Variants in UTRN observed in about 807,000 individuals in gnomAD.
UTRN encodes dystrophin-related protein 1.
Under a neutral mutation model 463.9 loss-of-function variants are expected in UTRN, and 283 were observed. The ratio of observed to expected loss-of-function variants is 0.61; its 90% confidence interval spans 0.55 to 0.67. The LOEUF is 0.67. Ranked by LOEUF, UTRN falls within the 30% of genes least tolerant of loss-of-function variation. The probability of loss-of-function intolerance (pLI) is 0.00; values close to 1 mark genes in which losing one functional copy is unlikely to be tolerated. For synonymous variants in UTRN, 1,442 were observed against 1,431.5 expected, an observed-to-expected ratio of 1.01 and a Z score of -0.17; for missense variants, 3,922 against 4,084.3, an observed-to-expected ratio of 0.96 and a Z score of 1.08.
intron 57 of UTRN, among the ~76,000 whole-genome samples, chr6:144,755,289 C>T (rs926082658): frequency 1.3e-5 from 2 of 152,008 alleles, no homozygotes; most frequent in African/African-American, 4.8e-5. Flanking sequence ...TTCTGCTATT[C>T]GAGTATTGCG....
Position 144,489,231 on chromosome 6 carries a change from A to G in UTRN, c.4134+397A>G, listed in dbSNP as rs573930358. 4.7e-3 allele frequency among the ~76,000 whole-genome samples: 720 copies of G among 152,158 alleles called. 6 individuals are homozygous for G. Among genetic ancestry groups the G allele is most frequent in the Middle Eastern group, 0.01 (3 of 292 alleles). ...CGCCCGGCTAATTTTTTGTAGTTTT[A>G]GTAGAGACGGGGTTTCGCCATGTTG... On this transcript the variant is annotated intron_variant, in intron 30 of 74. Transcript: ENST00000367545.
intron 2 of UTRN, among the ~76,000 whole-genome samples, chr6:144,301,163 G>T (rs2473145): frequency 0.33 from 50,655 of 151,752 alleles, 13,681 homozygotes; most frequent in African/African-American, 0.75. Flanking sequence ...AATATAAAAA[G>T]GTTTACTTTT....
rs748330298 is a variant in UTRN, at chr6:144,403,152, TTTACCAAATGGATAAATGC to T, written c.111_129del (p.Thr38AspfsTer27). 1 of 1,613,664 alleles carries T rather than the reference TTTACCAAATGGATAAATGC, an allele frequency of 6.2e-7. No homozygotes were observed. Reference sequence around the variant, plus strand: ...ACACAATGACGTACAGAAGAAAACCTTTACCAAATGGATAAATGCTCGATTTTCAAAGGTAACTGAGACT... The same window carrying T: ...ACACAATGACGTACAGAAGAAAACCTTCGATTTTCAAAGGTAACTGAGACT... On this transcript the variant is annotated frameshift_variant, in exon 3 of 75. Transcript: ENST00000367545. LOFTEE classifies it high-confidence loss of function.
In UTRN at chr6:144,439,768, G is replaced by T. The variant is rs550471454; in HGVS notation, c.1393-584G>T. Reference sequence around the variant, plus strand: ...TCCGCCTGCCTTGGGTTCCCAAAGTGCTGGGATTACAGGTGTGAGCCACCA... The same window carrying T: ...TCCGCCTGCCTTGGGTTCCCAAAGTTCTGGGATTACAGGTGTGAGCCACCA... On this transcript the variant is annotated intron_variant, in intron 12 of 74. Transcript: ENST00000367545. Among the ~76,000 whole-genome samples, 24 of 152,308 alleles carry T rather than the reference G, an allele frequency of 1.6e-4. No homozygotes were observed. The South Asian group carries it at 5.0e-3, about 32-fold the overall frequency.
chr6:144,651,620 G>A (rs976465027), intron 51 of UTRN, among the ~76,000 whole-genome samples: 1 of 152,070 alleles, frequency 6.6e-6, no homozygotes, highest in Non-Finnish European at 1.5e-5. Flanking sequence ...AACATTTTCT[G>A]TATTGCTTTT....
chr6:144,440,416 T>A lies in UTRN; in HGVS notation c.1457T>A (p.Ile486Asn). ...KVNSLTHMVV[I>N]VDENSGESAT... is the part of the protein sequence containing the mutation. ...AATTCACTAACTCACATGGTGGTCA[T>A]TGTTGATGAAAACAGTGGTGAGAGT... The change falls in exon 13 of 75, where the codon ATT (isoleucine) becomes AAT (asparagine). Residue 486 changes from isoleucine to asparagine, a missense_variant. Ile to Asn is a moderately radical substitution (Grantham distance 149). This residue lies in a region of UTRN where 2,349 missense variants were observed against 2,303.8 expected (regional missense o/e 1.02). Coordinates refer to ENST00000367545, the MANE Select transcript of UTRN (RefSeq NM_007124.3). 6.2e-7 allele frequency: 1 copy of A among 1,614,218 alleles called. No homozygotes were observed. Among genetic ancestry groups the A allele is most frequent in the Non-Finnish European group, 8.5e-7 (1 of 1,180,026 alleles).
chr6:144,330,090 G>T (rs1374111529), intron 2 of UTRN, among the ~76,000 whole-genome samples: 1 of 152,232 alleles, frequency 6.6e-6, no homozygotes, highest in Non-Finnish European at 1.5e-5. Context: ...GACCTGGAAT[G>T]AGTGATAGTT....
At chr6:144,849,665 T>C (rs1226207822) in intron 74 of UTRN, among the ~76,000 whole-genome samples, 1 of 152,168 alleles carries the variant, frequency 6.6e-6, no homozygotes, top group Admixed American at 6.5e-5. Context: ...ATGAAAAGTA[T>C]ATATTTTCAC....
At chr6:144,540,836 G>A (rs1797919879) in intron 45 of UTRN, among the ~76,000 whole-genome samples, 1 of 152,188 alleles carries the variant, frequency 6.6e-6, no homozygotes, top group Non-Finnish European at 1.5e-5. Flanking sequence ...TGGTTTATTG[G>A]ATAGCCAGAT....
At chr6:144,790,288 A>G (rs375707655) in intron 62 of UTRN, among the ~76,000 whole-genome samples, 1 of 152,166 alleles carries the variant, frequency 6.6e-6, no homozygotes, top group South Asian at 2.1e-4. Flanking sequence ...TTACAGATAA[A>G]TCCATACATT....
chr6:144,367,219 A>T (rs113028510), intron 2 of UTRN, among the ~76,000 whole-genome samples: 4,406 of 152,026 alleles, frequency 0.029, 207 homozygotes, highest in African/African-American at 0.099. Context: ...TCCTGACCTC[A>T]AGTGATCTGC....
intron 45 of UTRN, among the ~76,000 whole-genome samples, chr6:144,539,904 G>A (rs12664819): frequency 0.076 from 11,542 of 151,874 alleles, 1,058 homozygotes; most frequent in East Asian, 0.54. Context: ...TTTGCCAGGC[G>A]TAGTGGCACA....
At chr6:144,292,471 A>G (rs982732139) in intron 2 of UTRN, among the ~76,000 whole-genome samples, 9 of 152,174 alleles carry the variant, frequency 5.9e-5, no homozygotes, top group African/African-American at 2.2e-4. Context: ...GGTCCTCAGG[A>G]TACCACCCCC....
intron 63 of UTRN, among the ~76,000 whole-genome samples, chr6:144,795,895 G>T (rs554735607): frequency 2.0e-5 from 3 of 152,100 alleles, no homozygotes; most frequent in African/African-American, 7.2e-5. Context: ...TTTGTTTGCT[G>T]TGCAGAAGCT....
intron 62 of UTRN, among the ~76,000 whole-genome samples, chr6:144,792,008 T>A (rs887970254): frequency 6.6e-6 from 1 of 152,216 alleles, no homozygotes; most frequent in African/African-American, 2.4e-5. Context: ...GACTACTGGA[T>A]AAATATTTTT....
At chr6:144,337,505 A>T (rs980894204) in intron 2 of UTRN, among the ~76,000 whole-genome samples, 2 of 152,114 alleles carry the variant, frequency 1.3e-5, no homozygotes, top group Non-Finnish European at 2.9e-5. Flanking sequence ...GTCTGTTTCC[A>T]CATTAGAAAA....
intron 62 of UTRN, among the ~76,000 whole-genome samples, chr6:144,793,408 T>C (rs1476426996): frequency 6.6e-6 from 1 of 152,200 alleles, no homozygotes; most frequent in Non-Finnish European, 1.5e-5. Flanking sequence ...AGCACCCAAC[T>C]ACATCTATTC....
chr6:144,426,660 C>A (rs1785319516), intron 7 of UTRN, among the ~76,000 whole-genome samples: 1 of 152,158 alleles, frequency 6.6e-6, no homozygotes, highest in South Asian at 2.1e-4. Flanking sequence ...GACTTAAATG[C>A]TGCAATACAA....
chr6:144,666,486 A>G (rs906063653), intron 51 of UTRN, among the ~76,000 whole-genome samples: 4 of 152,206 alleles, frequency 2.6e-5, no homozygotes, highest in African/African-American at 9.6e-5. Context: ...ATACATTGAT[A>G]TGTGTATCTA....
Sources: gnomAD v4.1 joint callset for allele counts (sites outside exome capture counted in the v4.1 genomes callset) on GRCh38, gnomAD v4.1.1 for gene constraint, gnomAD v4.1.1 regional missense constraint, MANE v1.5 for transcripts, NCBI Gene and HGNC (gene_info 2026-07-23, HGNC 2026-07-21) for gene names.